Variants in TASOR2 observed in about 807,000 individuals in gnomAD.
TASOR2 encodes the protein protein TASOR 2.
TASOR2 carries 84 observed loss-of-function variants against 199.5 expected under a neutral mutation model. That is an observed-to-expected ratio of 0.42 (90% CI 0.35 to 0.50). TASOR2 has a LOEUF of 0.50. TASOR2 is among the 20% of genes least tolerant of loss of function. The pLI is 0.02. For missense variants in TASOR2, 2,796 were observed against 2,835.9 expected (o/e 0.99, Z 0.32); for synonymous variants, 1,103 against 1,046.6 (o/e 1.05, Z -1.04).
At position 5,730,138 on chromosome 10, in the gene TASOR2, G is replaced by C. The variant is rs1365723838; in HGVS notation, c.488-349G>C. ...AAAAAGTACGAAAGCAAATCTGCCA[G>C]CTCTAAAGACCAGTGGTACTGCTGT... On this transcript the variant is annotated intron_variant, in intron 10 of 20. Coordinates refer to ENST00000328090, the Ensembl canonical transcript of TASOR2. The surrounding 1 kb of genome is among the most constrained non-coding windows in gnomAD (Gnocchi z 4.1). 3.3e-5 allele frequency among the ~76,000 whole-genome samples: 5 copies of C among 152,188 alleles called. No homozygotes were observed. Among genetic ancestry groups the C allele is most frequent in the African/African-American group, 9.7e-5 (4 of 41,444 alleles).
In TASOR2 at chr10:5,737,272, G is replaced by GT. The variant is rs548231707; in HGVS notation, c.1447+1734dup. 6.7e-3 allele frequency among the ~76,000 whole-genome samples: 1,010 copies of GT among 150,348 alleles called. 19 individuals are homozygous for GT. Among genetic ancestry groups the GT allele is most frequent in the African/African-American group, 0.023 (957 of 40,934 alleles). On this transcript the variant is annotated intron_variant, in intron 12 of 20. Coordinates refer to ENST00000328090, the Ensembl canonical transcript of TASOR2. This position sits in a 1 kb window ranked among gnomAD's most constrained non-coding sequence, Gnocchi z 4.9. Reference sequence around the variant, plus strand: ...TGAGCCACCACGCCCAGCCAGGTTTGTTTTTTTTAGTTTTTTTGTTTTTTT... The same window carrying GT: ...TGAGCCACCACGCCCAGCCAGGTTTGTTTTTTTTTAGTTTTTTTGTTTTTTT...
At position 5,730,639 on chromosome 10, in the gene TASOR2, T is replaced by A; in HGVS notation, c.640T>A (p.Tyr214Asn). ...AGTAAAGCGTCATTTCCAAGAATTG[T>A]ACAAGGCGGACAGAAGCCCTTCATT... The change falls in exon 11 of 21, where the codon TAC (tyrosine) becomes AAC (asparagine). Residue 214 changes from tyrosine (Y) to asparagine (N), a missense_variant. Tyr to Asn is a moderately radical substitution (Grantham distance 143). This residue lies in a region of TASOR2 where 847 missense variants were observed against 887.4 expected (regional missense o/e 0.95). Transcript: ENST00000328090. This position sits in a 1 kb window ranked among gnomAD's most constrained non-coding sequence, Gnocchi z 4.1. 1 of 1,614,206 alleles carries A rather than the reference T, an allele frequency of 6.2e-7. No homozygotes were observed. Among genetic ancestry groups the A allele is most frequent in the Non-Finnish European group, 8.5e-7 (1 of 1,180,032 alleles).
chr10:5,742,010 A>G lies in TASOR2; in HGVS notation c.2328-87A>G. On this transcript the variant is annotated intron_variant, in intron 13 of 20. Coordinates refer to ENST00000328090, the Ensembl canonical transcript of TASOR2. The surrounding 1 kb of genome is among the most constrained non-coding windows in gnomAD (Gnocchi z 4.2). ...TAAAAATAAAAACAAAAACTAAGGA[A>G]TATTGGAGGCACTTGCTTATGATAA... The G allele has an allele frequency of 8.1e-7, 1 of 1,239,780 alleles. No homozygotes were observed. The highest frequency in any genetic ancestry group is 1.2e-6 in the Non-Finnish European group (1 of 869,476). 76.8% of individuals were successfully genotyped at this position (1,239,780 alleles called of 1,614,324 possible). A position where few individuals can be genotyped will look rare whatever the true frequency, so the allele number is the denominator to read the frequency against.
chr10:5,695,612 C>G (rs778277580), intron 1 of TASOR2, among the ~76,000 whole-genome samples: 1 of 151,972 alleles, frequency 6.6e-6, no homozygotes, highest in Non-Finnish European at 1.5e-5. Context: ...CACTTTTAGT[C>G]TAACATGTTC....
chr10:5,741,230 A>G (rs1836378412), intron 13 of TASOR2, among the ~76,000 whole-genome samples: 1 of 152,236 alleles, frequency 6.6e-6, no homozygotes, highest in African/African-American at 2.4e-5. Flanking sequence ...TGTGGCCAAC[A>G]TTTAATTATG....
chr10:5,747,478 C>G, exon 15 of TASOR2: 11 of 1,614,004 alleles, frequency 6.8e-6, no homozygotes, highest in Non-Finnish European at 9.3e-6. Flanking sequence ...GTCAGAAGAA[C>G]CAGTAGAAAA....
Position 5,740,312 on chromosome 10 carries a change from C to G in TASOR2, c.2142C>G (p.Pro714=), listed in dbSNP as rs576431591. The G allele has an allele frequency of 1.2e-6, 2 of 1,614,234 alleles. No homozygotes were observed. Among genetic ancestry groups the G allele is most frequent in the Non-Finnish European group, 1.7e-6 (2 of 1,180,042 alleles). Residue 714 remains proline (P), a synonymous_variant, in exon 13 of 21, where the codon CCC becomes CCG. Transcript: ENST00000328090. The surrounding 1 kb of genome is among the most constrained non-coding windows in gnomAD (Gnocchi z 5.3). The stretch of plus-strand genomic sequence containing the variant: ...TTCAGCAAAAGCCTCCTGACGACCC[C>G]GTGGTGAAGCCCAAGGATCGACCAC...
Position 5,698,110 on chromosome 10 carries a change from T to C in TASOR2, c.-288+12935T>C, listed in dbSNP as rs566628012. ...CTTTCATTAAAGTGACAGAGATATT[T>C]CCCTACTCCTTGACTTTGTGTTTGG... On this transcript the variant is annotated intron_variant, in intron 1 of 20. Transcript: ENST00000328090. This position sits in a 1 kb window ranked among gnomAD's most constrained non-coding sequence, Gnocchi z 4.4. 1.3e-5 allele frequency among the ~76,000 whole-genome samples: 2 copies of C among 152,318 alleles called. No homozygotes were observed. The highest frequency in any genetic ancestry group is 3.9e-4 in the East Asian group (2 of 5,186).
In TASOR2 at chr10:5,730,497, T is replaced by C. The variant is rs1487107337; in HGVS notation, c.498T>C (p.Asp166=). 6.3e-7 allele frequency: 1 copy of C among 1,595,192 alleles called. No homozygotes were observed. Among genetic ancestry groups the C allele is most frequent in the Non-Finnish European group, 8.5e-7 (1 of 1,172,466 alleles). The change falls in exon 11 of 21, where the codon GAT becomes GAC. Residue 166 remains aspartate, a synonymous_variant. Coordinates refer to ENST00000328090, the Ensembl canonical transcript of TASOR2. The surrounding 1 kb of genome is among the most constrained non-coding windows in gnomAD (Gnocchi z 4.1). ...GTGTATATATTCTAGGGGTGAAAGA[T>C]TTGAAAGTTGAAGATGACATCTCAA... is the stretch of plus-strand genomic sequence containing the variant.
chr10:5,748,315 C>G lies in TASOR2; in HGVS notation c.4894C>G (p.Gln1632Glu). ...GAAAACAGATGAAGGCATTTATCTGCAGGTGAAGTCCTTGACAGCTGCCTC... is the reference window on the plus strand; with the variant it reads ...GAAAACAGATGAAGGCATTTATCTGGAGGTGAAGTCCTTGACAGCTGCCTC... Residue 1632 changes from glutamine to glutamate, a missense_variant, in exon 15 of 21, where the codon CAG becomes GAG. This residue lies in a region of TASOR2 where 1,941 missense variants were observed against 1,924.9 expected (regional missense o/e 1.01). Transcript: ENST00000328090. This position sits in a 1 kb window ranked among gnomAD's most constrained non-coding sequence, Gnocchi z 5.1. The G allele has an allele frequency of 1.2e-6, 2 of 1,614,244 alleles. No individual in the cohort carries two copies. The highest frequency in any genetic ancestry group is 1.7e-6 in the Non-Finnish European group (2 of 1,180,052).
At position 5,698,694 on chromosome 10, in the gene TASOR2, AC is replaced by A. The variant is rs975440328; in HGVS notation, c.-288+13522del. ...ATAATCCTAAAGTATTTATTTTCTG[AC>A]CCTTTATGAAAAAGTTTGCTGACCT... On this transcript the variant is annotated intron_variant, in intron 1 of 20. Transcript: ENST00000328090. The surrounding 1 kb of genome is among the most constrained non-coding windows in gnomAD (Gnocchi z 4.4). Among the ~76,000 whole-genome samples, 1 of 152,138 alleles carries A rather than the reference AC, an allele frequency of 6.6e-6. No homozygotes were observed.
rs1159894412 is a variant in TASOR2, at chr10:5,701,076, T to C, written c.-287-11747T>C. On this transcript the variant is annotated intron_variant, in intron 1 of 20. Coordinates refer to ENST00000328090, the Ensembl canonical transcript of TASOR2. This position sits in a 1 kb window ranked among gnomAD's most constrained non-coding sequence, Gnocchi z 4.9. ...GTTTGGCCAGACTAGTATCCTGGAG[T>C]GTTTTCCCAGTGTTTTCTTCTGGTA... Among the ~76,000 whole-genome samples the C allele has an allele frequency of 1.3e-5, 2 of 151,800 alleles. No homozygotes were observed. Among genetic ancestry groups the C allele is most frequent in the Admixed American group, 1.3e-4 (2 of 15,198 alleles).
At position 5,730,412 on chromosome 10, in the gene TASOR2, A is replaced by G. The variant is rs1834654383; in HGVS notation, c.488-75A>G. 1 of 1,201,022 alleles carries G rather than the reference A, an allele frequency of 8.3e-7. No individual in the cohort carries two copies. Among genetic ancestry groups the G allele is most frequent in the African/African-American group, 1.5e-5 (1 of 65,822 alleles). The allele number at this position is 1,201,022 out of a possible 1,614,324, so 74.4% of individuals were successfully genotyped here. On this transcript the variant is annotated intron_variant, in intron 10 of 20. Transcript: ENST00000328090. This position sits in a 1 kb window ranked among gnomAD's most constrained non-coding sequence, Gnocchi z 4.1. ...TAACCATCACATAATTTTGAAATCTAAAGCTTTTTTTTCCAGAATGTTTTG... is the reference window on the plus strand; with the variant it reads ...TAACCATCACATAATTTTGAAATCTGAAGCTTTTTTTTCCAGAATGTTTTG...
At chr10:5,702,239 C>A (rs1278975166) in intron 1 of TASOR2, among the ~76,000 whole-genome samples, 1 of 152,072 alleles carries the variant, frequency 6.6e-6, no homozygotes, top group Admixed American at 6.6e-5. Flanking sequence ...GTTCTTAGTT[C>A]TGTTAATATA....
intron 15 of TASOR2, among the ~76,000 whole-genome samples, chr10:5,756,054 T>G (rs1373079846): frequency 6.6e-6 from 1 of 152,164 alleles, no homozygotes; most frequent in Non-Finnish European, 1.5e-5. Context: ...TTTATTTAAT[T>G]ACACAAATTT....
In TASOR2 at chr10:5,748,416, T is replaced by C. The variant is rs1837527446; in HGVS notation, c.4995T>C (p.Ala1665=). The C allele has an allele frequency of 6.2e-7, 1 of 1,614,250 alleles. No homozygotes were observed. The highest frequency in any genetic ancestry group is 1.3e-5 in the African/African-American group (1 of 75,070). ...CGCTTTGTTCTTCCTCAGACAATGCTACATTAACCCATTATGTAAGACCAA... is the reference window on the plus strand; with the variant it reads ...CGCTTTGTTCTTCCTCAGACAATGCCACATTAACCCATTATGTAAGACCAA... The change falls in exon 15 of 21, where the codon GCT becomes GCC. Residue 1665 remains alanine, a synonymous_variant. Coordinates refer to ENST00000328090, the Ensembl canonical transcript of TASOR2. The surrounding 1 kb of genome is among the most constrained non-coding windows in gnomAD (Gnocchi z 5.1).
At chr10:5,731,271 T>C in intron 11 of TASOR2, 68 bp downstream of exon 12, 1 of 1,462,846 alleles carries the variant, frequency 6.8e-7, no homozygotes, top group Non-Finnish European at 9.2e-7. Context: ...GGCTCATGCC[T>C]GTAATCCCAG....
exon 21 of TASOR2, chr10:5,763,105 A>G: frequency 7.2e-7 from 1 of 1,380,516 alleles, no homozygotes; most frequent in Non-Finnish European, 1.0e-6. Flanking sequence ...AAACTTGTGA[A>G]CATGTGAATA....
rs1200149968 is a variant in TASOR2 at position 5,738,023 on chromosome 10, A to T, written c.1448-1595A>T. On this transcript the variant is annotated intron_variant, in intron 12 of 20. Transcript: ENST00000328090. This position sits in a 1 kb window ranked among gnomAD's most constrained non-coding sequence, Gnocchi z 4.7. The stretch of plus-strand genomic sequence containing the variant: ...ACCTATGTTAATCATTTTACTTCTT[A>T]TACTTAAAATATCAACGTTTAAGAA... 6.6e-6 allele frequency among the ~76,000 whole-genome samples: 1 copy of T among 152,204 alleles called. No individual in the cohort carries two copies. The highest frequency in any genetic ancestry group is 1.5e-5 in the Non-Finnish European group (1 of 68,026).
Sources: allele counts gnomAD v4.1 joint callset (sites outside exome capture counted in the v4.1 genomes callset), GRCh38; gene constraint gnomAD v4.1.1; regional missense constraint gnomAD v4.1.1; non-coding constraint Gnocchi (gnomAD v3.1); transcripts MANE v1.5; gene names NCBI Gene and HGNC (gene_info 2026-07-23, HGNC 2026-07-21).